The following PI15 variants were observed in gnomAD, a reference collection of about 807,000 sequenced individuals.
The protein encoded by PI15 is peptidase inhibitor 15.
In PI15, 18 loss-of-function variants were observed where a neutral mutation model predicts 31.0. The ratio of observed to expected loss-of-function variants is 0.58; its 90% CI spans 0.40 to 0.86. PI15 has a LOEUF of 0.86. PI15 is among the 40% of genes least tolerant of loss of function. The pLI is 0.00. For missense variants in PI15, 282 were observed against 328.1 expected (o/e 0.86, Z 1.09); for synonymous variants, 118 against 119.1 (o/e 0.99, Z 0.06).
In PI15 at chr8:74,850,913, G is replaced by A. The variant is rs1811096004; in HGVS notation, c.*1660G>A. 6.6e-6 allele frequency: 1 copy of A among 152,426 alleles called. No individual in the cohort carries two copies. The highest frequency in any genetic ancestry group is 6.5e-5 in the Admixed American group (1 of 15,268). The allele number at this position is 152,426 out of a possible 1,614,324, so 9.4% of individuals were successfully genotyped here. ...GAACAATTAAATATGGTTAGTTCCA[G>A]AGTGCAAATTACAGAAGGAAGCTAC... On this transcript the variant is annotated 3_prime_UTR_variant, in exon 6 of 6. Transcript: ENST00000260113.
intron 2 of PI15, among the ~76,000 whole-genome samples, chr8:74,833,039 T>G (rs1810810561): frequency 6.6e-6 from 1 of 152,110 alleles, no homozygotes. Flanking sequence ...AGGCCGTAGG[T>G]AGGCGGGAAG....
intron 2 of PI15, among the ~76,000 whole-genome samples, chr8:74,836,477 C>A (rs1409193027): frequency 6.6e-6 from 1 of 152,058 alleles, no homozygotes; most frequent in African/African-American, 2.4e-5. Context: ...TGGAACAATA[C>A]CATCAGCAAA....
chr8:74,832,050 G>A (rs1413522225), intron 2 of PI15, among the ~76,000 whole-genome samples: 1 of 152,108 alleles, frequency 6.6e-6, no homozygotes, highest in Non-Finnish European at 1.5e-5. Flanking sequence ...GCAGTCAAGA[G>A]GCTGTTAGGA....
At chr8:74,845,553 T>C (rs1811014653) in intron 5 of PI15, 56 bp downstream of exon 5, 7 of 1,049,824 alleles carry the variant, frequency 6.7e-6, no homozygotes, top group Non-Finnish European at 1.0e-5. Flanking sequence ...TAAATATCCC[T>C]AGGCTGATAG....
rs1378575436 is a variant in PI15, at chr8:74,852,989, G to A, written c.*3736G>A. 6.6e-6 allele frequency: 1 copy of A among 152,060 alleles called. No individual in the cohort carries two copies. The highest frequency in any genetic ancestry group is 1.5e-5 in the Non-Finnish European group (1 of 67,928). 9.4% of individuals were successfully genotyped at this position (152,060 alleles called of 1,614,324 possible). ...TTTCTAACATTATCTTTGCTTTTAT[G>A]TTTCATAAAAATTTGTCATTATTTA... is the stretch of plus-strand genomic sequence containing the variant. On this transcript the variant is annotated 3_prime_UTR_variant, in exon 6 of 6. Coordinates refer to ENST00000260113, the MANE Select transcript of PI15 (RefSeq NM_015886.5).
At chr8:74,842,062 T>C (rs1810953826) in intron 2 of PI15, among the ~76,000 whole-genome samples, 1 of 152,190 alleles carries the variant, frequency 6.6e-6, no homozygotes, top group Non-Finnish European at 1.5e-5. Flanking sequence ...TTTCTTTCAA[T>C]GAAATATGTT....
At position 74,852,784 on chromosome 8, in the gene PI15, C is replaced by T. The variant is rs1811125901; in HGVS notation, c.*3531C>T. 2 of 152,008 alleles carry T rather than the reference C, an allele frequency of 1.3e-5. No homozygotes were observed. The highest frequency in any genetic ancestry group is 4.8e-5 in the African/African-American group (2 of 41,400). 9.4% of individuals were successfully genotyped at this position (152,008 alleles called of 1,614,324 possible). ...ATGCCATGCTTATCAAATACATGCACAAGCTAAACATAATTTGAATGGGTC... is the reference window on the plus strand; with the variant it reads ...ATGCCATGCTTATCAAATACATGCATAAGCTAAACATAATTTGAATGGGTC... On this transcript the variant is annotated 3_prime_UTR_variant, in exon 6 of 6. Transcript: ENST00000260113.
At chr8:74,835,691 A>G (rs1009360593) in intron 2 of PI15, among the ~76,000 whole-genome samples, 1 of 152,206 alleles carries the variant, frequency 6.6e-6, no homozygotes, top group African/African-American at 2.4e-5. Flanking sequence ...TTACTTGGGA[A>G]GTGCTTTATT....
chr8:74,843,153 T>C (rs544043826), intron 2 of PI15, among the ~76,000 whole-genome samples: 3 of 152,328 alleles, frequency 2.0e-5, no homozygotes, highest in East Asian at 1.9e-4. Context: ...ATTAATATCA[T>C]GGCTTTTGAC....
chr8:74,849,871 T>C lies in PI15; in HGVS notation c.*618T>C, dbSNP rs1811081920. 6.6e-6 allele frequency: 1 copy of C among 152,190 alleles called. No individual in the cohort carries two copies. Among genetic ancestry groups the C allele is most frequent in the African/African-American group, 2.4e-5 (1 of 41,442 alleles). The allele number at this position is 152,190 out of a possible 1,614,324, so 9.4% of individuals were successfully genotyped here. A position where few individuals can be genotyped will look rare whatever the true frequency, so the allele number is the denominator to read the frequency against. On this transcript the variant is annotated 3_prime_UTR_variant, in exon 6 of 6. Transcript: ENST00000260113. Reference sequence around the variant, plus strand: ...TCACCCTGGAGATATTTTTTCTTATTTGAGTCCACCAAAGGATAATGCCAA... The same window carrying C: ...TCACCCTGGAGATATTTTTTCTTATCTGAGTCCACCAAAGGATAATGCCAA...
At chr8:74,836,414 C>T (rs1243775135) in intron 2 of PI15, among the ~76,000 whole-genome samples, 3 of 152,150 alleles carry the variant, frequency 2.0e-5, no homozygotes, top group Non-Finnish European at 2.9e-5. Context: ...TGGAAAAGTA[C>T]GCAGTTGAAT....
intron 2 of PI15, among the ~76,000 whole-genome samples, chr8:74,830,642 GTTT>G (rs1052378338): frequency 3.2e-4 from 49 of 152,080 alleles, no homozygotes; most frequent in Admixed American, 1.9e-3. Flanking sequence ...ACTACTTTTT[GTTT>G]TTCTTTCTTC....
At chr8:74,841,729 G>A (rs2128765448) in intron 2 of PI15, among the ~76,000 whole-genome samples, 1 of 152,246 alleles carries the variant, frequency 6.6e-6, no homozygotes, top group East Asian at 1.9e-4. Context: ...GTGGTGAACT[G>A]CAATCAATAT....
intron 2 of PI15, among the ~76,000 whole-genome samples, chr8:74,836,848 T>C (rs1025016228): frequency 3.3e-5 from 5 of 151,792 alleles, no homozygotes; most frequent in African/African-American, 4.8e-5. Flanking sequence ...CTGCCTGGGG[T>C]GGGCTCAAGA....
rs1810985786 is a variant in PI15, at chr8:74,844,081, T to C, written c.374T>C (p.Leu125Pro). The C allele has an allele frequency of 6.6e-7, 1 of 1,509,740 alleles. No homozygotes were observed. The highest frequency in any genetic ancestry group is 9.2e-7 in the Non-Finnish European group (1 of 1,084,624). The allele number at this position is 1,509,740 out of a possible 1,614,324, so 93.5% of individuals were successfully genotyped here. Residue 125 changes from leucine (L) to proline (P), a missense_variant, in exon 3 of 6, where the codon CTA becomes CCA. Leu to Pro is a moderately conservative substitution (Grantham distance 98). Coordinates refer to ENST00000260113, the MANE Select transcript of PI15 (RefSeq NM_015886.5). ...SYLLRFLGQN[L>P]SVRTGRYRSI... ...TTACTGAGATTTTTGGGCCAAAATC[T>C]ATCTGTACGCACTGGAAGGTAGGAA... is the stretch of plus-strand genomic sequence containing the variant.
intron 2 of PI15, among the ~76,000 whole-genome samples, chr8:74,828,930 A>C (rs1810738397): frequency 6.6e-6 from 1 of 152,114 alleles, no homozygotes; most frequent in Non-Finnish European, 1.5e-5. Context: ...TCTAATATCC[A>C]TGACCACAGA....
At chr8:74,837,304 A>G (rs2128764793) in intron 2 of PI15, among the ~76,000 whole-genome samples, 1 of 152,170 alleles carries the variant, frequency 6.6e-6, no homozygotes, top group East Asian at 1.9e-4. Flanking sequence ...AATATCATCT[A>G]ATTAATTTAA....
chr8:74,834,447 A>C (rs186790596), intron 2 of PI15, among the ~76,000 whole-genome samples: 21 of 152,132 alleles, frequency 1.4e-4, no homozygotes, highest in Admixed American at 1.3e-3. Context: ...GACTCAGTGG[A>C]TCCAGTCACC....
intron 2 of PI15, among the ~76,000 whole-genome samples, chr8:74,840,350 T>A (rs964115080): frequency 6.6e-6 from 1 of 152,194 alleles, no homozygotes; most frequent in Non-Finnish European, 1.5e-5. Context: ...ACTCTATATT[T>A]GTACCCATTA....
Sources: gnomAD v4.1 joint callset for allele counts (sites outside exome capture counted in the v4.1 genomes callset) on GRCh38, gnomAD v4.1.1 for gene constraint, MANE v1.5 for transcripts, NCBI Gene and HGNC (gene_info 2026-07-23, HGNC 2026-07-21) for gene names.